ECPAS: variants seen among roughly 807,000 people sequenced by gnomAD.
ECPAS encodes the protein proteasome adapter and scaffold protein ECM29.
A neutral mutation model predicts 255.1 loss-of-function variants in ECPAS; 70 were observed. That is an observed-to-expected ratio of 0.27 (90% confidence interval 0.23 to 0.33). ECPAS has a LOEUF of 0.33. ECPAS is among the 10% of genes least tolerant of loss of function. ECPAS has a pLI of 1.00. For missense variants in ECPAS, 1,817 were observed against 2,206.4 expected (o/e 0.82, Z 3.54); for synonymous variants, 784 against 775.0 (o/e 1.01, Z -0.19).
At chr9:111,362,204 CA>C (rs1286765929) in intron 49 of ECPAS, 35 bp from the exon 50 acceptor site, 7 of 1,458,104 alleles carry the variant, frequency 4.8e-6, no homozygotes, top group African/African-American at 3.0e-5. Flanking sequence ...ACAAAAAAAA[CA>C]AAAAACAAAG....
At chr9:111,482,452 G>A (rs1170630698) in intron 1 of ECPAS, among the ~76,000 whole-genome samples, 3 of 152,146 alleles carry the variant, frequency 2.0e-5, no homozygotes, top group Non-Finnish European at 4.4e-5. Context: ...ATATAAAAGT[G>A]GCTTTAAACT....
At chr9:111,390,184 A>G in intron 29 of ECPAS, 83 bp from the exon 30 acceptor site, 1 of 727,932 alleles carries the variant, frequency 1.4e-6, no homozygotes, top group Non-Finnish European at 2.2e-6. Context: ...TATTACTAGG[A>G]CATACTAAAA....
intron 36 of ECPAS, 64 bp downstream of exon 36, chr9:111,378,516 C>T (rs754788693): frequency 3.8e-5 from 57 of 1,491,400 alleles, no homozygotes; most frequent in Non-Finnish European, 5.0e-5. Context: ...TCAAATGAAC[C>T]TTGGTATCTT....
chr9:111,442,784 G>A (rs117572104), intron 4 of ECPAS, among the ~76,000 whole-genome samples: 2,561 of 152,250 alleles, frequency 0.017, 36 homozygotes, highest in Middle Eastern at 0.051. Flanking sequence ...ATCCTTACAA[G>A]CTAGGAGGAG....
intron 3 of ECPAS, among the ~76,000 whole-genome samples, chr9:111,449,031 T>C (rs1203098724): frequency 6.6e-6 from 1 of 152,204 alleles, no homozygotes; most frequent in African/African-American, 2.4e-5. Flanking sequence ...GGCCTGACCA[T>C]TTGTTATTTG....
chr9:111,387,893 A>T (rs922684509), intron 31 of ECPAS, among the ~76,000 whole-genome samples: 3 of 152,192 alleles, frequency 2.0e-5, no homozygotes, highest in Admixed American at 1.3e-4. Context: ...ACTGAGGGAC[A>T]GTGTCTCACT....
At chr9:111,368,084 T>G (rs2098122787) in intron 46 of ECPAS, among the ~76,000 whole-genome samples, 1 of 150,488 alleles carries the variant, frequency 6.6e-6, no homozygotes, top group Non-Finnish European at 1.5e-5. Context: ...TTCAGCAGGA[T>G]GCACTGTAGG....
intron 16 of ECPAS, among the ~76,000 whole-genome samples, 168 bp downstream of exon 16, chr9:111,419,845 TATAA>T (rs1352930104): frequency 6.7e-6 from 1 of 150,370 alleles, no homozygotes; most frequent in East Asian, 1.9e-4. Context: ...TATATTACTA[TATAA>T]ATATATAGGT....
At chr9:111,386,982 A>C (rs2098149913) in intron 31 of ECPAS, among the ~76,000 whole-genome samples, 1 of 152,220 alleles carries the variant, frequency 6.6e-6, no homozygotes, top group Admixed American at 6.5e-5. Context: ...ATTTCACTAT[A>C]CTGCAGACCC....
At chr9:111,404,616 T>C (rs2098181181) in intron 24 of ECPAS, among the ~76,000 whole-genome samples, 1 of 149,274 alleles carries the variant, frequency 6.7e-6, no homozygotes, top group African/African-American at 2.6e-5. Context: ...CTGCTTCCTC[T>C]TCGCCTTCTG....
chr9:111,438,086 G>A (rs1589197895), intron 6 of ECPAS, among the ~76,000 whole-genome samples: 3 of 152,234 alleles, frequency 2.0e-5, no homozygotes, highest in African/African-American at 7.2e-5. Flanking sequence ...TCGCTTTAAT[G>A]TTATTATATA....
intron 2 of ECPAS, among the ~76,000 whole-genome samples, chr9:111,464,026 G>A (rs893553462): frequency 3.3e-5 from 5 of 152,162 alleles, no homozygotes; most frequent in Non-Finnish European, 7.4e-5. Flanking sequence ...AATAAGAAGT[G>A]TTAAATAAAT....
chr9:111,431,310 C>T (rs1398866151), intron 8 of ECPAS, among the ~76,000 whole-genome samples: 1 of 152,170 alleles, frequency 6.6e-6, no homozygotes, highest in Non-Finnish European at 1.5e-5. Flanking sequence ...GCAATCCCAG[C>T]ACTTTGGGAG....
At chr9:111,421,014 C>T (rs2098212704) in intron 15 of ECPAS, among the ~76,000 whole-genome samples, 2 of 152,196 alleles carry the variant, frequency 1.3e-5, no homozygotes, top group Non-Finnish European at 1.5e-5. Flanking sequence ...AAGCATCACA[C>T]TTCCTTGTAA....
chr9:111,390,177 T>C (rs1333255442), intron 29 of ECPAS, 76 bp from the exon 30 acceptor site: 13 of 747,908 alleles, frequency 1.7e-5, no homozygotes, highest in Admixed American at 2.6e-5. Context: ...TCATCAATAT[T>C]ACTAGGACAT....
chr9:111,440,281 T>C, intron 6 of ECPAS, 91 bp downstream of exon 6: 1 of 1,170,406 alleles, frequency 8.5e-7, no homozygotes, highest in Non-Finnish European at 1.2e-6. Flanking sequence ...ATGCATTCAT[T>C]TACTAGTGAG....
intron 18 of ECPAS, among the ~76,000 whole-genome samples, chr9:111,415,356 A>C (rs541796732): frequency 6.6e-6 from 1 of 152,116 alleles, no homozygotes; most frequent in Admixed American, 6.6e-5. Flanking sequence ...CAAGAATCTG[A>C]GAAAATGGGT....
Position 111,373,341 on chromosome 9 carries a change from C to T in ECPAS, c.4243G>A (p.Ala1415Thr). The change falls in exon 40 of 50, where the codon GCA becomes ACA. Residue 1415 changes from alanine (A) to threonine (T), a missense_variant. Ala to Thr is a moderately conservative substitution (Grantham distance 58). Coordinates refer to ENST00000684092, the MANE Select transcript of ECPAS (RefSeq NM_001364929.1). The part of the protein sequence containing the change: ...DRNSVIQKSC[A>T]FAMGHLVRTS... ...CGAACTAAATGGCCCATAGCAAATGCACAAGATTTCTGAATCACACTGTTC... is the reference window on the plus strand; with the variant it reads ...CGAACTAAATGGCCCATAGCAAATGTACAAGATTTCTGAATCACACTGTTC... 1 of 1,613,796 alleles carries T rather than the reference C, an allele frequency of 6.2e-7. No homozygotes were observed. Among genetic ancestry groups the T allele is most frequent in the Non-Finnish European group, 8.5e-7 (1 of 1,179,794 alleles).
At chr9:111,378,494 T>C (rs1476808442) in intron 36 of ECPAS, 86 bp downstream of exon 36, 1 of 1,368,816 alleles carries the variant, frequency 7.3e-7, no homozygotes, top group Non-Finnish European at 9.9e-7. Flanking sequence ...GTAACAGTAG[T>C]GACAGTGTCA....
Sources: allele counts gnomAD v4.1 joint callset (sites outside exome capture counted in the v4.1 genomes callset), GRCh38; gene constraint gnomAD v4.1.1; transcripts MANE v1.5; gene names NCBI Gene and HGNC (gene_info 2026-07-23, HGNC 2026-07-21).